Variants in TLK1 observed in about 807,000 individuals in gnomAD.
The protein encoded by TLK1 is serine/threonine-protein kinase tousled-like 1.
A neutral mutation model predicts 105.3 loss-of-function variants in TLK1; 24 were observed. That is an observed-to-expected ratio of 0.23 (90% CI 0.17 to 0.32). TLK1 has a LOEUF of 0.32. Ranked by LOEUF, TLK1 falls within the 10% of genes least tolerant of loss-of-function variation. The pLI, the probability that TLK1 is intolerant of heterozygous loss-of-function variation, is 1.00. For missense variants in TLK1, 558 were observed against 910.5 expected (o/e 0.61, Z 4.98); for synonymous variants, 321 against 310.4 (o/e 1.03, Z -0.36).
intron 1 of TLK1, among the ~76,000 whole-genome samples, chr2:171,119,275 A>G (rs1473185844): frequency 1.3e-5 from 2 of 152,178 alleles, no homozygotes; most frequent in East Asian, 1.9e-4. Flanking sequence ...CAGAAACTGT[A>G]TATTATTCCT....
At chr2:171,140,481 C>T (rs1034847184) in intron 1 of TLK1, among the ~76,000 whole-genome samples, 2 of 152,194 alleles carry the variant, frequency 1.3e-5, no homozygotes. Flanking sequence ...CTAAGCAAAA[C>T]ATCTGAAAGC....
intron 2 of TLK1, among the ~76,000 whole-genome samples, chr2:171,101,967 G>C (rs555677164): frequency 2.0e-3 from 299 of 152,254 alleles, no homozygotes; most frequent in African/African-American, 6.6e-3. Flanking sequence ...CTTTTGAATA[G>C]GCAATATAAA....
At chr2:171,011,995 T>TTACCG (rs930972424) in intron 13 of TLK1, among the ~76,000 whole-genome samples, 5 of 152,080 alleles carry the variant, frequency 3.3e-5, no homozygotes, top group Admixed American at 3.3e-4. Context: ...TACTTAAAAT[T>TTACCG]TACCGTACTT....
chr2:171,104,905 C>T (rs999518524), intron 2 of TLK1, among the ~76,000 whole-genome samples: 29 of 152,206 alleles, frequency 1.9e-4, no homozygotes, highest in Admixed American at 1.0e-3. Flanking sequence ...TTATGGCCAA[C>T]TAATCTTCGA....
intron 1 of TLK1, among the ~76,000 whole-genome samples, chr2:171,178,581 T>C (rs1380001217): frequency 6.6e-6 from 1 of 152,150 alleles, no homozygotes; most frequent in Non-Finnish European, 1.5e-5. Context: ...AGTGGAAAAG[T>C]AACTCCAAGC....
chr2:171,173,234 T>C (rs1249959006), intron 1 of TLK1, among the ~76,000 whole-genome samples: 5 of 152,172 alleles, frequency 3.3e-5, no homozygotes, highest in African/African-American at 1.2e-4. Flanking sequence ...ACTAAGGAAA[T>C]ATACCAGTTA....
intron 1 of TLK1, among the ~76,000 whole-genome samples, chr2:171,179,014 T>C (rs1692881587): frequency 6.6e-6 from 1 of 152,212 alleles, no homozygotes. Flanking sequence ...CTCTAGTTAG[T>C]GCTTTTTATA....
intron 8 of TLK1, among the ~76,000 whole-genome samples, chr2:171,052,852 G>A (rs1320545693): frequency 2.6e-5 from 4 of 152,204 alleles, no homozygotes; most frequent in East Asian, 1.9e-4. Flanking sequence ...TGGTTTTATC[G>A]AGTTTCTACA....
chr2:171,202,183 C>T (rs139942161), intron 1 of TLK1, among the ~76,000 whole-genome samples: 45 of 152,296 alleles, frequency 3.0e-4, no homozygotes, highest in African/African-American at 1.0e-3. Flanking sequence ...AGGCCGGGCG[C>T]GGTGGCTCAC....
At chr2:171,207,863 T>C (rs1346526230) in intron 1 of TLK1, among the ~76,000 whole-genome samples, 1 of 152,122 alleles carries the variant, frequency 6.6e-6, no homozygotes, top group Non-Finnish European at 1.5e-5. Context: ...GTAGCTGGGA[T>C]TACAGCTGTC....
intron 1 of TLK1, among the ~76,000 whole-genome samples, chr2:171,192,975 A>G (rs1303388701): frequency 6.6e-6 from 1 of 152,262 alleles, no homozygotes; most frequent in Non-Finnish European, 1.5e-5. Flanking sequence ...ATACTTTAAC[A>G]TATGTACATT....
intron 1 of TLK1, among the ~76,000 whole-genome samples, chr2:171,206,430 G>A (rs188018059): frequency 6.6e-6 from 1 of 152,270 alleles, no homozygotes; most frequent in Admixed American, 6.5e-5. Context: ...GTAGAAAGGT[G>A]ATGGATTAGC....
intron 2 of TLK1, among the ~76,000 whole-genome samples, chr2:171,108,816 G>A (rs35112379): frequency 0.23 from 34,531 of 151,860 alleles, 4,287 homozygotes; most frequent in Middle Eastern, 0.35. Context: ...GGCTGGTCTC[G>A]AACTCCTGGG....
intron 6 of TLK1, 139 bp from the exon 7 acceptor site, chr2:171,055,311 T>C (rs1384391268): frequency 1.4e-5 from 8 of 569,400 alleles, no homozygotes; most frequent in East Asian, 3.5e-5. Context: ...TGAAACATAA[T>C]TGACTTTTAA....
intron 11 of TLK1, among the ~76,000 whole-genome samples, chr2:171,033,989 T>C (rs150466100): frequency 6.7e-4 from 101 of 149,980 alleles, no homozygotes; most frequent in Admixed American, 3.6e-3. Context: ...AAACAAGATA[T>C]ATAAAGACCA....
intron 20 of TLK1, 43 bp from the exon 21 acceptor site, chr2:170,993,999 C>T: frequency 6.5e-7 from 1 of 1,528,750 alleles, no homozygotes; most frequent in Non-Finnish European, 8.8e-7. Flanking sequence ...TGATCTTTTT[C>T]CCTTCTAAAT....
intron 1 of TLK1, among the ~76,000 whole-genome samples, chr2:171,137,528 T>C (rs1691375535): frequency 6.6e-6 from 1 of 152,150 alleles, no homozygotes; most frequent in Admixed American, 6.6e-5. Context: ...TTAATATCTT[T>C]AGTATCCGGA....
intron 13 of TLK1, among the ~76,000 whole-genome samples, chr2:171,013,881 CCTTG>C (rs1351702001): frequency 2.6e-5 from 4 of 152,162 alleles, no homozygotes; most frequent in Non-Finnish European, 5.9e-5. Flanking sequence ...CCAAGTAGTA[CCTTG>C]CTTAATTTCT....
At chr2:171,080,296 CA>C (rs1688692472) in intron 3 of TLK1, among the ~76,000 whole-genome samples, 1 of 151,236 alleles carries the variant, frequency 6.6e-6, no homozygotes, top group Admixed American at 6.6e-5. Flanking sequence ...AATGGATTAC[CA>C]AAAGAATAGT....
Sources: allele counts gnomAD v4.1 joint callset (sites outside exome capture counted in the v4.1 genomes callset), GRCh38; gene constraint gnomAD v4.1.1; transcripts MANE v1.5; gene names NCBI Gene and HGNC (gene_info 2026-07-23, HGNC 2026-07-21).